Variants in KCNQ3 observed in about 807,000 individuals in gnomAD.
KCNQ3 encodes the protein potassium voltage-gated channel subfamily KQT member 3.
Under a neutral mutation model 92.5 loss-of-function variants are expected in KCNQ3, and 30 were observed. The observed-to-expected ratio is 0.32, with a 90% confidence interval of 0.24 to 0.44. The LOEUF (loss-of-function observed/expected upper bound fraction) is 0.44. Ranked by LOEUF, KCNQ3 falls within the 20% of genes least tolerant of loss-of-function variation. KCNQ3 has a pLI of 1.00. For synonymous variants in KCNQ3, 450 were observed against 468.8 expected (o/e 0.96, Z 0.52); for missense variants, 913 against 1,140.3 (o/e 0.80, Z 2.87).
At chr8:132,405,687 T>C (rs1820457769) in intron 1 of KCNQ3, among the ~76,000 whole-genome samples, 1 of 152,188 alleles carries the variant, frequency 6.6e-6, no homozygotes, top group Non-Finnish European at 1.5e-5. Context: ...AAAACAACTC[T>C]GGGTCAAAGC....
chr8:132,341,224 G>T (rs147762972), intron 1 of KCNQ3, among the ~76,000 whole-genome samples: 1 of 152,214 alleles, frequency 6.6e-6, no homozygotes, highest in South Asian at 2.1e-4. Context: ...GCATTAGTGC[G>T]TGACTACCTC....
intron 1 of KCNQ3, among the ~76,000 whole-genome samples, chr8:132,237,632 G>T (rs1814859690): frequency 6.6e-6 from 1 of 152,162 alleles, no homozygotes; most frequent in African/African-American, 2.4e-5. Context: ...ACCCACGAGG[G>T]CAGTCCAGGA....
Position 132,134,362 on chromosome 8 carries a change from G to C in KCNQ3, c.1727C>G (p.Pro576Arg), listed in dbSNP as rs371890934. 3 of 1,613,246 alleles carry C rather than the reference G, an allele frequency of 1.9e-6. No individual in the cohort carries two copies. The highest frequency in any genetic ancestry group is 2.5e-6 in the Non-Finnish European group (3 of 1,179,410). The change falls in exon 13 of 15, where the codon CCT becomes CGT. Residue 576 changes from proline (P) to arginine (R), a missense_variant. By Grantham distance (103) the Pro-to-Arg change is moderately radical. Around this residue, in one of 6 missense-constraint regions of KCNQ3, gnomAD observed 182 missense variants for 234.5 expected, o/e 0.78. Transcript: ENST00000388996. ...CTTCTTGTGTTTTGGCGTGGAGGGA[G>C]GTCCAGGGGTGAAAATCATATCTAT... ...TRIDMIFTPG[P>R]PSTPKHKKSQ...
chr8:132,134,220 A>T, intron 13 of KCNQ3, 70 bp downstream of exon 13: 1 of 1,102,810 alleles, frequency 9.1e-7, no homozygotes, highest in Non-Finnish European at 1.4e-6. Flanking sequence ...ACCCCAGCAG[A>T]GGTTTGGGGG....
At chr8:132,253,125 A>G (rs935538205) in intron 1 of KCNQ3, among the ~76,000 whole-genome samples, 3 of 152,182 alleles carry the variant, frequency 2.0e-5, no homozygotes, top group Non-Finnish European at 4.4e-5. Context: ...TTGGGCATAT[A>G]TTTATGGAAG....
chr8:132,186,956 C>CAG (rs1160355665), intron 1 of KCNQ3, among the ~76,000 whole-genome samples: 6,103 of 94,096 alleles, frequency 0.065, 342 homozygotes, highest in Middle Eastern at 0.086. Flanking sequence ...GAGAGAGAGA[C>CAG]AGAGAGAGAG....
chr8:132,249,435 T>G (rs996802348), intron 1 of KCNQ3, among the ~76,000 whole-genome samples: 1 of 152,212 alleles, frequency 6.6e-6, no homozygotes, highest in African/African-American at 2.4e-5. Flanking sequence ...AGAGCACTGA[T>G]AAGTGCATTT....
intron 1 of KCNQ3, among the ~76,000 whole-genome samples, chr8:132,373,953 G>A (rs1819543828): frequency 6.6e-6 from 1 of 152,070 alleles, no homozygotes; most frequent in African/African-American, 2.4e-5. Context: ...CCCCGAGGTG[G>A]GTACCAGCGT....
intron 1 of KCNQ3, among the ~76,000 whole-genome samples, chr8:132,426,773 A>G (rs1587008793): frequency 6.6e-6 from 1 of 152,320 alleles, no homozygotes; most frequent in South Asian, 2.1e-4. Flanking sequence ...GTCTCACTAC[A>G]GGTACTCCCT....
chr8:132,458,652 G>A (rs1049247097), intron 1 of KCNQ3, among the ~76,000 whole-genome samples: 6 of 152,006 alleles, frequency 3.9e-5, no homozygotes, highest in African/African-American at 1.2e-4. Context: ...ACGGGGTTTC[G>A]CCATGTTGGC....
rs558192862 is a variant in KCNQ3 at position 132,129,149 on chromosome 8, G to T, written c.*113C>A. 3.1e-6 allele frequency: 4 copies of T among 1,302,872 alleles called. No individual in the cohort carries two copies. Among genetic ancestry groups the T allele is most frequent in the Admixed American group, 1.8e-5 (1 of 56,166 alleles). 80.7% of individuals were successfully genotyped at this position (1,302,872 alleles called of 1,614,324 possible). Reference sequence around the variant, plus strand: ...GCCTGGGTGGGGCCACCACGCACACGCATGCATTTGATGCAGCCATTGGTG... The same window carrying T: ...GCCTGGGTGGGGCCACCACGCACACTCATGCATTTGATGCAGCCATTGGTG... On this transcript the variant is annotated 3_prime_UTR_variant, in exon 15 of 15. Transcript: ENST00000388996. This position sits in a 1 kb window ranked among gnomAD's most constrained non-coding sequence, Gnocchi z 5.9.
intron 9 of KCNQ3, among the ~76,000 whole-genome samples, chr8:132,154,001 CA>C (rs1197909566): frequency 1.3e-5 from 2 of 149,566 alleles, no homozygotes; most frequent in African/African-American, 4.9e-5. Flanking sequence ...AAAAAAATGC[CA>C]TTTTTTTTCC....
chr8:132,460,508 G>A (rs7843409), intron 1 of KCNQ3, among the ~76,000 whole-genome samples: 35,912 of 152,008 alleles, frequency 0.24, 4,488 homozygotes, highest in East Asian at 0.37. Context: ...CAGTACACAA[G>A]TATAACAGTA....
rs763323782 is a variant in KCNQ3, at chr8:132,126,873, A to ATACT, written c.*2385_*2388dup. 11 of 152,234 alleles carry ATACT rather than the reference A, an allele frequency of 7.2e-5. No homozygotes were observed. The highest frequency in any genetic ancestry group is 1.3e-4 in the Non-Finnish European group (9 of 68,046). 9.4% of individuals were successfully genotyped at this position (152,234 alleles called of 1,614,324 possible). A position where few individuals can be genotyped will look rare whatever the true frequency, so the allele number is the denominator to read the frequency against. ...GGAAAATGCATCATCTATTGGTAAA[A>ATACT]TACTTAAGATAGTAAGTTCTTCAAG... On this transcript the variant is annotated 3_prime_UTR_variant, in exon 15 of 15. Coordinates refer to ENST00000388996, the MANE Select transcript of KCNQ3 (RefSeq NM_004519.4).
At chr8:132,177,516 T>A (rs2130142243) in intron 4 of KCNQ3, among the ~76,000 whole-genome samples, 1 of 152,322 alleles carries the variant, frequency 6.6e-6, no homozygotes, top group Non-Finnish European at 1.5e-5. Context: ...CCTGCCTTGG[T>A]GACTCAAGTC....
At chr8:132,460,088 C>T (rs1292476025) in intron 1 of KCNQ3, among the ~76,000 whole-genome samples, 2 of 152,130 alleles carry the variant, frequency 1.3e-5, no homozygotes, top group South Asian at 2.1e-4. Context: ...CTTTCTGGCA[C>T]TATAAGATGC....
At chr8:132,153,872 T>A (rs1295909428) in intron 9 of KCNQ3, among the ~76,000 whole-genome samples, 1 of 151,996 alleles carries the variant, frequency 6.6e-6, no homozygotes, top group Non-Finnish European at 1.5e-5. Flanking sequence ...GTACCCTAGG[T>A]ATTTGCTAGG....
chr8:132,134,274 T>A lies in KCNQ3; in HGVS notation c.1799+16A>T. On this transcript the variant is annotated intron_variant, in intron 13 of 14. Transcript: ENST00000388996. ...TTTGCACCCCTGGCCCATCAGTCCA[T>A]GTCCACTGGCCCCACCTGGGAGATT... 2 of 1,599,562 alleles carry A rather than the reference T, an allele frequency of 1.3e-6. No homozygotes were observed. The highest frequency in any genetic ancestry group is 1.7e-6 in the Non-Finnish European group (2 of 1,167,240).
chr8:132,285,706 C>A (rs1272320632), intron 1 of KCNQ3, among the ~76,000 whole-genome samples: 1 of 152,146 alleles, frequency 6.6e-6, no homozygotes, highest in Non-Finnish European at 1.5e-5. Context: ...TAGAAGGGAG[C>A]TAGGTAATAC....
Sources: allele counts gnomAD v4.1 joint callset (sites outside exome capture counted in the v4.1 genomes callset), GRCh38; gene constraint gnomAD v4.1.1; regional missense constraint gnomAD v4.1.1; non-coding constraint Gnocchi (gnomAD v3.1); transcripts MANE v1.5; gene names NCBI Gene and HGNC (gene_info 2026-07-23, HGNC 2026-07-21).